MEGF9: variants seen among roughly 807,000 people sequenced by gnomAD.
MEGF9 encodes the protein multiple epidermal growth factor-like domains protein 9.
Under a neutral mutation model 46.8 loss-of-function variants are expected in MEGF9, and 6 were observed. The observed-to-expected ratio is 0.13, with a 90% CI of 0.07 to 0.25. MEGF9 has a LOEUF of 0.25. MEGF9 is among the 10% of genes least tolerant of loss of function. The pLI, the probability that MEGF9 is intolerant of heterozygous loss-of-function variation, is 1.00. For missense variants in MEGF9, 683 were observed against 792.4 expected (o/e 0.86, Z 1.66); for synonymous variants, 302 against 330.7 (o/e 0.91, Z 0.94).
chr9:120,652,474 G>A (rs1284513617), intron 2 of MEGF9, among the ~76,000 whole-genome samples: 12 of 46,938 alleles, frequency 2.6e-4, no homozygotes, highest in African/African-American at 9.6e-4. Context: ...GCGAGATCTT[G>A]TCTTAAAAAA....
chr9:120,708,594 G>A (rs1021209654), intron 1 of MEGF9, among the ~76,000 whole-genome samples: 3 of 152,164 alleles, frequency 2.0e-5, no homozygotes, highest in African/African-American at 7.2e-5. Flanking sequence ...AGCTGAAAGA[G>A]ACCCTTTAAA....
At chr9:120,652,181 C>CAAA (rs869214058) in intron 2 of MEGF9, among the ~76,000 whole-genome samples, 1 of 9,094 alleles carries the variant, frequency 1.1e-4, no homozygotes, top group African/African-American at 4.0e-4. Context: ...CACACACACA[C>CAAA]AAAAAAAAAA....
At chr9:120,666,466 G>A (rs1331056171) in intron 1 of MEGF9, among the ~76,000 whole-genome samples, 1 of 152,260 alleles carries the variant, frequency 6.6e-6, no homozygotes, top group East Asian at 1.9e-4. Flanking sequence ...CCCTCTATTT[G>A]AATGGCTAAA....
chr9:120,685,544 A>C (rs1405733991), intron 1 of MEGF9, among the ~76,000 whole-genome samples: 1 of 152,232 alleles, frequency 6.6e-6, no homozygotes, highest in Non-Finnish European at 1.5e-5. Flanking sequence ...AGAATTTGCC[A>C]ATTCTTTCTA....
intron 2 of MEGF9, among the ~76,000 whole-genome samples, chr9:120,625,833 CAAAAAAAA>C (rs763605820): frequency 8.8e-5 from 10 of 113,146 alleles, no homozygotes; most frequent in African/African-American, 3.8e-4. Context: ...CTCTGTCTCA[CAAAAAAAA>C]AAAAAAAAAA....
chr9:120,612,143 T>C (rs2043450405), intron 4 of MEGF9, among the ~76,000 whole-genome samples: 1 of 152,200 alleles, frequency 6.6e-6, no homozygotes, highest in African/African-American at 2.4e-5. Flanking sequence ...TACCTTGAAA[T>C]AGGTGAGCAA....
chr9:120,666,180 C>T (rs2043724292), intron 1 of MEGF9, among the ~76,000 whole-genome samples: 1 of 152,024 alleles, frequency 6.6e-6, no homozygotes, highest in Admixed American at 6.6e-5. Flanking sequence ...TTAGGTAGTA[C>T]ACTTGCTTTT....
At chr9:120,698,823 AAGAGT>A (rs2043890366) in intron 1 of MEGF9, among the ~76,000 whole-genome samples, 1 of 152,178 alleles carries the variant, frequency 6.6e-6, no homozygotes, top group Non-Finnish European at 1.5e-5. Context: ...AAATTCAGAG[AAGAGT>A]AATCATTACC....
intron 1 of MEGF9, among the ~76,000 whole-genome samples, chr9:120,713,069 T>C (rs1224794174): frequency 1.3e-5 from 2 of 152,188 alleles, no homozygotes; most frequent in African/African-American, 4.8e-5. Context: ...ACCTTATAAT[T>C]GTGGAAGAAA....
chr9:120,672,093 A>C (rs2043751736), intron 1 of MEGF9, among the ~76,000 whole-genome samples: 1 of 152,200 alleles, frequency 6.6e-6, no homozygotes, highest in Non-Finnish European at 1.5e-5. Context: ...AATAGAAGGA[A>C]ACTTTCTCAG....
intron 2 of MEGF9, among the ~76,000 whole-genome samples, chr9:120,623,384 T>C (rs772230761): frequency 7.2e-5 from 11 of 152,222 alleles, no homozygotes; most frequent in Non-Finnish European, 1.5e-4. Context: ...TAAATCTTGC[T>C]CTCTTTTCTC....
At chr9:120,609,602 A>G (rs1477665006) in intron 4 of MEGF9, among the ~76,000 whole-genome samples, 2 of 152,248 alleles carry the variant, frequency 1.3e-5, no homozygotes, top group Admixed American at 6.5e-5. Flanking sequence ...CAGTAGGAAC[A>G]TAACAACTCA....
chr9:120,706,025 T>G (rs562605921), intron 1 of MEGF9, among the ~76,000 whole-genome samples: 3 of 152,320 alleles, frequency 2.0e-5, no homozygotes, highest in South Asian at 2.1e-4. Context: ...AGGTCTTACA[T>G]TTTTATTTTC....
At chr9:120,636,811 A>C (rs992540737) in intron 2 of MEGF9, among the ~76,000 whole-genome samples, 9 of 149,906 alleles carry the variant, frequency 6.0e-5, no homozygotes, top group African/African-American at 2.0e-4. Flanking sequence ...CCCGTCTGGG[A>C]GGTGGGGGGG....
chr9:120,704,814 A>C (rs2043921047), intron 1 of MEGF9, among the ~76,000 whole-genome samples: 1 of 152,232 alleles, frequency 6.6e-6, no homozygotes, highest in Non-Finnish European at 1.5e-5. Flanking sequence ...GTTCACTATT[A>C]ACTTTAATTA....
Position 120,714,066 on chromosome 9 carries a change from T to G in MEGF9, c.293A>C (p.Gln98Pro), listed in dbSNP as rs2043966542. The G allele has an allele frequency of 7.8e-7, 1 of 1,282,074 alleles. No individual in the cohort carries two copies. Among genetic ancestry groups the G allele is most frequent in the African/African-American group, 1.5e-5 (1 of 65,548 alleles). The allele number at this position is 1,282,074 out of a possible 1,614,324, so 79.4% of individuals were successfully genotyped here. The part of the protein sequence containing the change: ...HRPLAATSPA[Q>P]SPETTPLWAT... ...CCAAAGAGGGGTGGTCTCCGGGGAC[T>G]GGGCTGGAGAAGTCGCAGCCAGGGG... The change falls in exon 1 of 6, where the codon CAG becomes CCG. Residue 98 changes from glutamine to proline, a missense_variant. Coordinates refer to ENST00000373930, the MANE Select transcript of MEGF9 (RefSeq NM_001080497.3).
At chr9:120,644,002 AC>A (rs1470576745) in intron 2 of MEGF9, among the ~76,000 whole-genome samples, 4 of 152,218 alleles carry the variant, frequency 2.6e-5, no homozygotes, top group Non-Finnish European at 4.4e-5. Flanking sequence ...GGTGTGAGGC[AC>A]CATGAGGCTC....
At chr9:120,660,275 G>GT (rs2043696383) in intron 1 of MEGF9, among the ~76,000 whole-genome samples, 1 of 152,002 alleles carries the variant, frequency 6.6e-6, no homozygotes, top group Non-Finnish European at 1.5e-5. Flanking sequence ...TGAGTACATA[G>GT]GTGTATAAGG....
chr9:120,701,720 C>T (rs1165638714), intron 1 of MEGF9, among the ~76,000 whole-genome samples: 1 of 152,204 alleles, frequency 6.6e-6, no homozygotes, highest in East Asian at 1.9e-4. Flanking sequence ...CAATAAGCTA[C>T]TTTAAGTAAT....
Sources: allele counts gnomAD v4.1 joint callset (sites outside exome capture counted in the v4.1 genomes callset), GRCh38; gene constraint gnomAD v4.1.1; transcripts MANE v1.5; gene names NCBI Gene and HGNC (gene_info 2026-07-23, HGNC 2026-07-21).